ABAT: variants seen among roughly 807,000 people sequenced by gnomAD.
ABAT encodes 4-aminobutyrate aminotransferase, mitochondrial.
A neutral mutation model predicts 64.6 loss-of-function variants in ABAT; 45 were observed. The ratio of observed to expected loss-of-function variants is 0.70; its 90% CI spans 0.55 to 0.89. The LOEUF is 0.89. Ranked by LOEUF, ABAT falls within the 40% of genes least tolerant of loss-of-function variation. The probability of loss-of-function intolerance (pLI) is 0.00; values close to 1 mark genes in which losing one functional copy is unlikely to be tolerated. For synonymous variants in ABAT, 297 were observed against 250.5 expected (o/e 1.19, Z -1.75); for missense variants, 633 against 658.4 (o/e 0.96, Z 0.42).
intron 8 of ABAT, chr16:8,765,935 T>G (rs1043985126): frequency 2.4e-6 from 1 of 412,384 alleles, no homozygotes; most frequent in Non-Finnish European, 4.6e-6. Flanking sequence ...CCATTCTTCC[T>G]GGCAAAACAT....
chr16:8,738,616 G>GT lies in ABAT; in HGVS notation c.70+2812dup, dbSNP rs772511380. ...TTTTTTCTTTTTTGTTTTTGTTTTT[G>GT]TTTTTGTTTTTGTTTTTTTTTTGGT... is the stretch of plus-strand genomic sequence containing the variant. On this transcript the variant is annotated intron_variant, in intron 2 of 15. Transcript: ENST00000268251. 6.0e-3 allele frequency among the ~76,000 whole-genome samples: 700 copies of GT among 117,590 alleles called. 69 individuals carry two copies. The highest frequency in any genetic ancestry group is 0.013 in the Middle Eastern group (3 of 226). 77.1% of individuals were successfully genotyped at this position (117,590 alleles called of 152,430 possible).
rs1199312410 is a variant in ABAT at position 8,733,585 on chromosome 16, C to T, written c.-41-2114C>T. Among the ~76,000 whole-genome samples, 4 of 152,054 alleles carry T rather than the reference C, an allele frequency of 2.6e-5. 1 individual carries two copies. The highest frequency in any genetic ancestry group is 9.7e-5 in the African/African-American group (4 of 41,280). On this transcript the variant is annotated intron_variant, in intron 1 of 15. Transcript: ENST00000268251. ...GAGACTCCGTCTGTAATCCCGGCAC[C>T]TCGGGAGGCCGAGGCTGGCGGATCA...
intron 4 of ABAT, among the ~76,000 whole-genome samples, chr16:8,748,654 A>G (rs2059397157): frequency 8.1e-6 from 1 of 123,574 alleles, no homozygotes; most frequent in African/African-American, 3.1e-5. Flanking sequence ...AACTATTATT[A>G]TAAAATTGTT....
chr16:8,730,440 G>T (rs2058684891), intron 1 of ABAT, among the ~76,000 whole-genome samples: 1 of 152,124 alleles, frequency 6.6e-6, no homozygotes, highest in Admixed American at 6.5e-5. Context: ...TTCCTGCCCT[G>T]TGCTGCTGAG....
At chr16:8,696,831 C>G (rs1241670087) in intron 1 of ABAT, among the ~76,000 whole-genome samples, 1 of 152,176 alleles carries the variant, frequency 6.6e-6, no homozygotes, top group Non-Finnish European at 1.5e-5. Flanking sequence ...AGGGCATCCA[C>G]TTCCCCTGTG....
At chr16:8,752,062 T>A (rs1197563948) in intron 5 of ABAT, among the ~76,000 whole-genome samples, 1 of 152,184 alleles carries the variant, frequency 6.6e-6, no homozygotes, top group South Asian at 2.1e-4. Context: ...CATCAGCACC[T>A]CCCTTTGGAC....
At chr16:8,710,784 CCTT>C (rs1309619666) in intron 1 of ABAT, among the ~76,000 whole-genome samples, 1 of 149,362 alleles carries the variant, frequency 6.7e-6, no homozygotes, top group African/African-American at 2.4e-5. Flanking sequence ...TAGAACTAGG[CCTT>C]CTTGTACCAA....
In ABAT at chr16:8,735,724, T is replaced by C. The variant is rs769650439; in HGVS notation, c.-16T>C. On this transcript the variant is annotated 5_prime_UTR_variant, in exon 2 of 16. Transcript: ENST00000268251. ...GGTGGCAGCACGCAAAGGGTGTCCC[T>C]GTCCCTCAAGGGGTCATGGCCTCCA... 46 of 1,592,736 alleles carry C rather than the reference T, an allele frequency of 2.9e-5. No homozygotes were observed. Among genetic ancestry groups the C allele is most frequent in the Non-Finnish European group, 3.9e-5 (46 of 1,169,156 alleles).
chr16:8,764,078 G>T lies in ABAT; in HGVS notation c.376G>T (p.Val126Phe). 6.2e-7 allele frequency: 1 copy of T among 1,613,856 alleles called. No homozygotes were observed. The highest frequency in any genetic ancestry group is 1.1e-5 in the South Asian group (1 of 91,074). ...IQQPQNASMF[V>F]NRPALGILPP... ...TCTTGCCCTTTTGCAGAGCATGTTT[G>T]TCAACAGACCCGCCCTCGGAATCCT... The change falls in exon 7 of 16, where the codon GTC (valine) becomes TTC (phenylalanine). Residue 126 changes from valine to phenylalanine, a missense_variant. Transcript: ENST00000268251. The surrounding 1 kb of genome is among the most constrained non-coding windows in gnomAD (Gnocchi z 4.2).
At chr16:8,687,009 G>T (rs1052831530) in intron 1 of ABAT, among the ~76,000 whole-genome samples, 1 of 152,178 alleles carries the variant, frequency 6.6e-6, no homozygotes, top group African/African-American at 2.4e-5. Context: ...ATGGGTGGAG[G>T]TGAAGGCATG....
intron 1 of ABAT, among the ~76,000 whole-genome samples, chr16:8,707,664 A>G (rs923206372): frequency 3.9e-5 from 6 of 152,238 alleles, no homozygotes; most frequent in Non-Finnish European, 7.3e-5. Flanking sequence ...TTTCTAAAAC[A>G]GCAGCCACAC....
At position 8,776,601 on chromosome 16, in the gene ABAT, C is replaced by G. The variant is rs915130672; in HGVS notation, c.1269+111C>G. The G allele has an allele frequency of 8.4e-7, 1 of 1,184,028 alleles. No individual in the cohort carries two copies. The highest frequency in any genetic ancestry group is 1.2e-6 in the Non-Finnish European group (1 of 824,624). The allele number at this position is 1,184,028 out of a possible 1,614,324, so 73.3% of individuals were successfully genotyped here. On this transcript the variant is annotated intron_variant, in intron 14 of 15. Coordinates refer to ENST00000268251, the MANE Select transcript of ABAT (RefSeq NM_020686.6). This position sits in a 1 kb window ranked among gnomAD's most constrained non-coding sequence, Gnocchi z 4.4. The stretch of plus-strand genomic sequence containing the variant: ...TGTTGTGCCTGCTGTTCCAGCAGTT[C>G]GTAACGGGCTGTGCTGCTCCTAGCC...
Position 8,764,880 on chromosome 16 carries a change from C to T in ABAT, c.540+50C>T. The T allele has an allele frequency of 6.8e-7, 1 of 1,472,392 alleles. No homozygotes were observed. Among genetic ancestry groups the T allele is most frequent in the Middle Eastern group, 1.7e-4 (1 of 5,850 alleles). The allele number at this position is 1,472,392 out of a possible 1,614,324, so 91.2% of individuals were successfully genotyped here. A position where few individuals can be genotyped will look rare whatever the true frequency, so the allele number is the denominator to read the frequency against. ...ACACACACACAGGCTCCCCAGCACCCAGCCACACGCTCACCCCTTGTCTGA... is the reference window on the plus strand; with the variant it reads ...ACACACACACAGGCTCCCCAGCACCTAGCCACACGCTCACCCCTTGTCTGA... On this transcript the variant is annotated intron_variant, in intron 8 of 15. Transcript: ENST00000268251. The surrounding 1 kb of genome is among the most constrained non-coding windows in gnomAD (Gnocchi z 4.2).
chr16:8,765,890 C>T, intron 8 of ABAT: 1 of 356,754 alleles, frequency 2.8e-6, no homozygotes, highest in South Asian at 2.3e-5. Context: ...ACCCAAAGTA[C>T]TAGGATTACA....
chr16:8,698,718 G>A (rs912742750), intron 1 of ABAT, among the ~76,000 whole-genome samples: 1 of 152,188 alleles, frequency 6.6e-6, no homozygotes, highest in Non-Finnish European at 1.5e-5. Flanking sequence ...GCCAAGGTGG[G>A]CAGATCACGT....
At chr16:8,748,528 T>C (rs2059394245) in intron 4 of ABAT, among the ~76,000 whole-genome samples, 1 of 152,216 alleles carries the variant, frequency 6.6e-6, no homozygotes, top group Non-Finnish European at 1.5e-5. Context: ...CAGAGTGTTC[T>C]ATAGATGTTT....
At chr16:8,720,329 T>G (rs2058331829) in intron 1 of ABAT, among the ~76,000 whole-genome samples, 1 of 152,240 alleles carries the variant, frequency 6.6e-6, no homozygotes, top group South Asian at 2.1e-4. Context: ...CCAGCCACAC[T>G]TTAGACCCAA....
At chr16:8,738,616 G>GTTTT (rs772511380) in intron 2 of ABAT, among the ~76,000 whole-genome samples, 4,270 of 116,682 alleles carry the variant, frequency 0.037, 493 homozygotes, top group East Asian at 0.048. Flanking sequence ...TTTTGTTTTT[G>GTTTT]TTTTTGTTTT....
intron 1 of ABAT, among the ~76,000 whole-genome samples, chr16:8,710,887 T>C (rs1196986212): frequency 6.6e-6 from 1 of 152,150 alleles, no homozygotes; most frequent in East Asian, 1.9e-4. Flanking sequence ...CAGGAGTCTT[T>C]AGAACAAGAG....
Sources: gnomAD v4.1 joint callset for allele counts (sites outside exome capture counted in the v4.1 genomes callset) on GRCh38, gnomAD v4.1.1 for gene constraint, Gnocchi (gnomAD v3.1) non-coding constraint, MANE v1.5 for transcripts, NCBI Gene and HGNC (gene_info 2026-07-23, HGNC 2026-07-21) for gene names.